Variants in PHF20 observed in about 807,000 individuals in gnomAD.
The protein encoded by PHF20 is glioma-expressed antigen 2.
PHF20 carries 23 observed loss-of-function variants against 113.5 expected under a neutral mutation model. The ratio of observed to expected loss-of-function variants is 0.20; its 90% CI spans 0.15 to 0.29. The LOEUF (loss-of-function observed/expected upper bound fraction) is 0.29. Among genes scored for constraint, PHF20 ranks in the 10% least tolerant of loss-of-function variants. PHF20 has a pLI of 1.00. For missense variants in PHF20, 943 were observed against 1,219.6 expected, an observed-to-expected ratio of 0.77 and a Z score of 3.38; for synonymous variants, 434 against 457.3, an observed-to-expected ratio of 0.95 and a Z score of 0.65.
At chr20:35,828,109 C>T (rs758061016) in intron 2 of PHF20, among the ~76,000 whole-genome samples, 7 of 152,066 alleles carry the variant, frequency 4.6e-5, no homozygotes, top group East Asian at 1.9e-4. Flanking sequence ...CCACAACCTC[C>T]GCCTCCTGGG....
chr20:35,858,534 G>A (rs1013730145), intron 5 of PHF20, among the ~76,000 whole-genome samples, 153 bp downstream of exon 5: 1 of 152,154 alleles, frequency 6.6e-6, no homozygotes, highest in Non-Finnish European at 1.5e-5. Context: ...CAAGTTTTCA[G>A]AAGTTGTAAA....
chr20:35,874,955 CCTGG>C (rs2054491701), intron 9 of PHF20, among the ~76,000 whole-genome samples: 3 of 152,122 alleles, frequency 2.0e-5, no homozygotes, highest in Non-Finnish European at 4.4e-5. Flanking sequence ...AAAAAATTAG[CCTGG>C]CATGATGGTT....
chr20:35,884,964 G>C (rs1407269810), intron 9 of PHF20, among the ~76,000 whole-genome samples: 9 of 152,116 alleles, frequency 5.9e-5, no homozygotes, highest in Non-Finnish European at 1.3e-4. Flanking sequence ...CCGAGTAGCT[G>C]GAATTACAGG....
chr20:35,897,186 A>G lies in PHF20; in HGVS notation c.1283-2184A>G, dbSNP rs1250616891. On this transcript the variant is annotated intron_variant, in intron 9 of 17. Coordinates refer to ENST00000374012, the MANE Select transcript of PHF20 (RefSeq NM_016436.5). ...GTAGCTGGGACTATAGGCACATGCC[A>G]TCATGCCTGGCTAATTAACAAAATT... Among the ~76,000 whole-genome samples the G allele has an allele frequency of 3.3e-5, 5 of 152,196 alleles. No individual in the cohort carries two copies. The East Asian group carries it at 7.7e-4, about 24-fold the overall frequency.
At chr20:35,913,772 G>A (rs965176934) in intron 11 of PHF20, among the ~76,000 whole-genome samples, 1 of 152,136 alleles carries the variant, frequency 6.6e-6, no homozygotes, top group African/African-American at 2.4e-5. Flanking sequence ...ATTCTGACTT[G>A]GGACTTAAAG....
chr20:35,839,626 G>T (rs767402659), intron 2 of PHF20, among the ~76,000 whole-genome samples: 23 of 152,190 alleles, frequency 1.5e-4, no homozygotes, highest in Non-Finnish European at 3.2e-4. Context: ...CAATTAGCCA[G>T]TCTGTTGTCA....
intron 2 of PHF20, among the ~76,000 whole-genome samples, chr20:35,830,797 GTAC>G (rs1448326278): frequency 6.7e-6 from 1 of 149,990 alleles, no homozygotes; most frequent in African/African-American, 2.5e-5. Context: ...AGGTAAACTT[GTAC>G]CATGGTAGTT....
At chr20:35,892,638 TCTA>T (rs1433721654) in intron 9 of PHF20, among the ~76,000 whole-genome samples, 1 of 152,214 alleles carries the variant, frequency 6.6e-6, no homozygotes, top group African/African-American at 2.4e-5. Flanking sequence ...TCTGGAAGAA[TCTA>T]CTTTTTGATT....
intron 1 of PHF20, among the ~76,000 whole-genome samples, chr20:35,798,021 A>G (rs2041701954): frequency 6.6e-6 from 1 of 152,190 alleles, no homozygotes; most frequent in African/African-American, 2.4e-5. Flanking sequence ...CACTTGTGAA[A>G]AATTTTCATT....
rs758355371 is a variant in PHF20, at chr20:35,871,801, G to A, written c.1254G>A (p.Val418=). 1 of 1,611,042 alleles carries A rather than the reference G, an allele frequency of 6.2e-7. No homozygotes were observed. Among genetic ancestry groups the A allele is most frequent in the Non-Finnish European group, 8.5e-7 (1 of 1,178,472 alleles). ...TMKTEPTSPL[V]ELQEISTVEV... ...AAACAGAACCGACTTCTCCCCTTGT[G>A]GAATTACAAGAGATTTCGACTGTGG... Residue 418 remains valine, a synonymous_variant, in exon 9 of 18, where the codon GTG becomes GTA. Coordinates refer to ENST00000374012, the MANE Select transcript of PHF20 (RefSeq NM_016436.5).
chr20:35,805,191 T>G (rs1329971648), intron 2 of PHF20, among the ~76,000 whole-genome samples: 1 of 151,656 alleles, frequency 6.6e-6, no homozygotes, highest in Non-Finnish European at 1.5e-5. Flanking sequence ...GCCAGATCCA[T>G]GGCACCCGGC....
chr20:35,941,126 G>A (rs1033785490), intron 17 of PHF20, 79 bp downstream of exon 17: 1 of 1,208,804 alleles, frequency 8.3e-7, no homozygotes, highest in Non-Finnish European at 1.2e-6. Context: ...GAACCCCCCA[G>A]TCTGAGTTTA....
rs1001275904 is a variant in PHF20, at chr20:35,904,802, CTTTCTTTT to C, written c.1561+5155_1561+5162del. 3.4e-5 allele frequency among the ~76,000 whole-genome samples: 5 copies of C among 148,578 alleles called. No homozygotes were observed. The Admixed American group carries it at 3.4e-4, about 10-fold the overall frequency. ...CCTTCCTTCCTTCCTTCCTTCCTTC[CTTTCTTTT>C]CTTTCTTTCTCTTTCTTTTTTTTTG... is the stretch of plus-strand genomic sequence containing the variant. On this transcript the variant is annotated intron_variant, in intron 10 of 17. Coordinates refer to ENST00000374012, the MANE Select transcript of PHF20 (RefSeq NM_016436.5).
At chr20:35,933,094 G>A (rs2055791873) in intron 15 of PHF20, among the ~76,000 whole-genome samples, 1 of 150,394 alleles carries the variant, frequency 6.6e-6, no homozygotes, top group Non-Finnish European at 1.5e-5. Flanking sequence ...TCCCTTTCAT[G>A]CTAAATATTC....
intron 4 of PHF20, among the ~76,000 whole-genome samples, chr20:35,851,805 C>T (rs1222015274): frequency 1.3e-5 from 2 of 151,920 alleles, no homozygotes; most frequent in Non-Finnish European, 2.9e-5. Flanking sequence ...GTCCCAGCTA[C>T]TCGGGAGGCT....
At chr20:35,891,506 C>T (rs757007292) in intron 9 of PHF20, among the ~76,000 whole-genome samples, 21 of 152,188 alleles carry the variant, frequency 1.4e-4, no homozygotes, top group Non-Finnish European at 2.2e-4. Flanking sequence ...AGGAATTCTT[C>T]GAGGCAGGAC....
chr20:35,930,584 G>T (rs1489617338), intron 14 of PHF20, among the ~76,000 whole-genome samples: 1 of 152,056 alleles, frequency 6.6e-6, no homozygotes, highest in African/African-American at 2.4e-5. Flanking sequence ...GAGGTGGGAG[G>T]ATCACCTGAG....
chr20:35,927,918 C>G, intron 14 of PHF20, 39 bp downstream of exon 14: 2 of 1,402,012 alleles, frequency 1.4e-6, no homozygotes, highest in Non-Finnish European at 2.0e-6. Flanking sequence ...CAGTATGTAG[C>G]CTTTTCCTTG....
chr20:35,879,517 T>G lies in PHF20; in HGVS notation c.1282+7688T>G, dbSNP rs556997958. Among the ~76,000 whole-genome samples the G allele has an allele frequency of 7.2e-5, 11 of 152,208 alleles. No individual in the cohort carries two copies. The East Asian group carries it at 1.9e-3, about 27-fold the overall frequency. ...ATTTTTTCTGTAACAATCGTAAACA[T>G]TAAACTGAACAAATTACCTACAGTA... On this transcript the variant is annotated intron_variant, in intron 9 of 17. Transcript: ENST00000374012.
Sources: gnomAD v4.1 joint callset for allele counts (sites outside exome capture counted in the v4.1 genomes callset) on GRCh38, gnomAD v4.1.1 for gene constraint, MANE v1.5 for transcripts, NCBI Gene and HGNC (gene_info 2026-07-23, HGNC 2026-07-21) for gene names.